The following RIOK1 variants were observed in gnomAD, a reference collection of about 807,000 sequenced individuals.
RIOK1 encodes serine/threonine-protein kinase RIO1.
RIOK1 carries 66 observed loss-of-function variants against 73.5 expected under a neutral mutation model. The ratio of observed to expected loss-of-function variants is 0.90; its 90% confidence interval spans 0.74 to 1.10. The LOEUF (loss-of-function observed/expected upper bound fraction) is 1.10, where lower values mean the gene tolerates loss of function less well. Ranked by LOEUF, RIOK1 falls within the 50% of genes least tolerant of loss-of-function variation. The pLI is 0.00. For synonymous variants in RIOK1, 224 were observed against 226.8 expected (o/e 0.99, Z 0.11); for missense variants, 658 against 699.8 (o/e 0.94, Z 0.67).
At chr6:7,404,796 C>T in intron 10 of RIOK1, 122 bp from the exon 11 acceptor site, 1 of 936,612 alleles carries the variant, frequency 1.1e-6, no homozygotes, top group Middle Eastern at 2.3e-4. Flanking sequence ...AAGATTGCCT[C>T]ATCTTATCTA....
At chr6:7,413,074 T>A in intron 15 of RIOK1, 132 bp downstream of exon 15, 1 of 482,458 alleles carries the variant, frequency 2.1e-6, no homozygotes, top group Non-Finnish European at 3.6e-6. Flanking sequence ...TAAAATGTTA[T>A]AATTGCTTTC....
At position 7,390,087 on chromosome 6, in the gene RIOK1, C is replaced by T; in HGVS notation, c.71+14C>T. The T allele has an allele frequency of 6.4e-7, 1 of 1,554,214 alleles. No individual in the cohort carries two copies. The highest frequency in any genetic ancestry group is 8.7e-7 in the Non-Finnish European group (1 of 1,148,688). On this transcript the variant is annotated intron_variant, in intron 1 of 16. Coordinates refer to ENST00000379834, the MANE Select transcript of RIOK1 (RefSeq NM_031480.3). ...CTCCTCTGACAGGTAGGCGGCCGTA[C>T]AGTGCCCTGGCTCTGGGTACGGCTC... is the stretch of plus-strand genomic sequence containing the variant.
chr6:7,389,890 A>C lies in RIOK1; in HGVS notation c.-113A>C, dbSNP rs1018631924. ...CGTGGTGGCCACTGTTGGCTTCTGA[A>C]TGGTTTGCAAGGCGGATATCCACGC... is the stretch of plus-strand genomic sequence containing the variant. On this transcript the variant is annotated 5_prime_UTR_variant, in exon 1 of 17. The change abolishes an upstream ATG in the 5' untranslated region. Coordinates refer to ENST00000379834, the MANE Select transcript of RIOK1 (RefSeq NM_031480.3). The C allele has an allele frequency of 6.4e-6, 5 of 775,492 alleles. No homozygotes were observed. In the African/African-American group the frequency reaches 8.9e-5, roughly 14 times the overall value. The allele number at this position is 775,492 out of a possible 1,614,324, so 48.0% of individuals were successfully genotyped here. A position where few individuals can be genotyped will look rare whatever the true frequency, so the allele number is the denominator to read the frequency against.
At chr6:7,401,689 CTTTT>C (rs35177259) in intron 6 of RIOK1, among the ~76,000 whole-genome samples, 5 of 109,258 alleles carry the variant, frequency 4.6e-5, no homozygotes, top group Middle Eastern at 4.5e-3. Flanking sequence ...TAAACAGAGT[CTTTT>C]TTTTTTTTTT....
Position 7,417,972 on chromosome 6 carries a change from C to T in RIOK1, c.*531C>T, listed in dbSNP as rs911539476. 3.3e-5 allele frequency: 5 copies of T among 152,256 alleles called. No homozygotes were observed. The highest frequency in any genetic ancestry group is 7.3e-5 in the Non-Finnish European group (5 of 68,056). 9.4% of individuals were successfully genotyped at this position (152,256 alleles called of 1,614,324 possible). A position where few individuals can be genotyped will look rare whatever the true frequency, so the allele number is the denominator to read the frequency against. On this transcript the variant is annotated 3_prime_UTR_variant, in exon 17 of 17. Coordinates refer to ENST00000379834, the MANE Select transcript of RIOK1 (RefSeq NM_031480.3). ...TTGGCGATCATTTGTAATGCTCTTA[C>T]ACTTCGTCTTTAATGTTCTTTTTGG...
chr6:7,391,059 G>GGAT (rs1235871457), intron 1 of RIOK1, among the ~76,000 whole-genome samples: 1 of 152,028 alleles, frequency 6.6e-6, no homozygotes, highest in Admixed American at 6.6e-5. Context: ...GAGGGATGAA[G>GGAT]GATAACTCCT....
chr6:7,392,243 CAAAAA>C (rs35570327), intron 1 of RIOK1, among the ~76,000 whole-genome samples: 4 of 110,798 alleles, frequency 3.6e-5, no homozygotes, highest in East Asian at 2.6e-4. Flanking sequence ...TCTAATATGG[CAAAAA>C]AAAAAAAAAA....
At position 7,407,686 on chromosome 6, in the gene RIOK1, GT is replaced by G. The variant is rs1761781843; in HGVS notation, c.1203+2332del. On this transcript the variant is annotated intron_variant, in intron 12 of 16. Coordinates refer to ENST00000379834, the MANE Select transcript of RIOK1 (RefSeq NM_031480.3). ...TTCTTTTTCATTTTGTTGGGACAGG[GT>G]CTCACTGTGTTTTCCAGTCTGGTCT... Among the ~76,000 whole-genome samples the G allele has an allele frequency of 3.3e-5, 5 of 151,914 alleles. No homozygotes were observed. The South Asian group carries it at 1.0e-3, about 32-fold the overall frequency.
chr6:7,417,287 A>G, intron 16 of RIOK1, 44 bp from the exon 17 acceptor site: 1 of 1,257,932 alleles, frequency 7.9e-7, no homozygotes, highest in Non-Finnish European at 1.1e-6. Context: ...AAAAATGCAT[A>G]CTCCAAATGA....
intron 12 of RIOK1, among the ~76,000 whole-genome samples, chr6:7,406,217 G>A (rs905700754): frequency 6.6e-6 from 1 of 152,164 alleles, no homozygotes; most frequent in African/African-American, 2.4e-5. Context: ...GGCTAGTCTT[G>A]AAATCTTGGC....
At chr6:7,390,135 G>T in intron 1 of RIOK1, 62 bp downstream of exon 1, 9 of 1,417,278 alleles carry the variant, frequency 6.4e-6, no homozygotes, top group Non-Finnish European at 7.7e-6. Flanking sequence ...CCCCCTTGGG[G>T]TGTGGACTCT....
chr6:7,395,755 G>A (rs941996318), intron 3 of RIOK1, among the ~76,000 whole-genome samples: 2 of 151,514 alleles, frequency 1.3e-5, no homozygotes, highest in African/African-American at 4.8e-5. Flanking sequence ...TGTCACCCAG[G>A]CTAGAGTGCA....
Position 7,409,531 on chromosome 6 carries a change from C to T in RIOK1, c.1204-855C>T, listed in dbSNP as rs542869037. On this transcript the variant is annotated intron_variant, in intron 12 of 16. Transcript: ENST00000379834. ...CCTCCCAAAGTGCTGGGATTACAGA[C>T]GTGAGCCTCAGCCTCCCAAAGTGCT... is the stretch of plus-strand genomic sequence containing the variant. Among the ~76,000 whole-genome samples, 35 of 152,094 alleles carry T rather than the reference C, an allele frequency of 2.3e-4. No individual in the cohort carries two copies. The East Asian group carries it at 5.2e-3, about 23-fold the overall frequency.
rs1245249509 is a variant in RIOK1, at chr6:7,404,555, T to C, written c.992T>C (p.Leu331Pro). 3.7e-6 allele frequency: 6 copies of C among 1,613,794 alleles called. No homozygotes were observed. In the South Asian group the frequency reaches 6.6e-5, roughly 18 times the overall value. The change falls in exon 10 of 17, where the codon CTG becomes CCG. Residue 331 changes from leucine (L) to proline (P), a missense_variant and splice_region_variant. Physicochemically the swap from Leu to Pro is moderately conservative, Grantham distance 98. Coordinates refer to ENST00000379834, the MANE Select transcript of RIOK1 (RefSeq NM_031480.3). Reference sequence around the variant, plus strand: ...GCAGATCTCAGTGAATTTAACATGCTGTGAGTGTATTTTGTCTCTTAAGAA... The same window carrying C: ...GCAGATCTCAGTGAATTTAACATGCCGTGAGTGTATTTTGTCTCTTAAGAA... ...VHADLSEFNMLYHGGGVYIID... is the reference protein window; with the variant it reads ...VHADLSEFNMPYHGGGVYIID...
intron 12 of RIOK1, among the ~76,000 whole-genome samples, chr6:7,407,392 T>C (rs1180123123): frequency 6.6e-6 from 1 of 152,208 alleles, no homozygotes; most frequent in Non-Finnish European, 1.5e-5. Flanking sequence ...GTGTATGTTA[T>C]TATGGTTTTG....
chr6:7,398,550 T>A (rs995393403), intron 4 of RIOK1, 148 bp from the exon 5 acceptor site: 36 of 623,784 alleles, frequency 5.8e-5, no homozygotes, highest in Non-Finnish European at 1.1e-5. Context: ...TTTCACTGAG[T>A]AATGAAAAAT....
intron 6 of RIOK1, 31 bp downstream of exon 6, chr6:7,401,081 A>T (rs1761599706): frequency 7.1e-7 from 1 of 1,406,946 alleles, no homozygotes; most frequent in South Asian, 1.2e-5. Flanking sequence ...TTGGATATTT[A>T]ATTTTCTTAT....
intron 16 of RIOK1, 150 bp from the exon 17 acceptor site, chr6:7,417,181 G>T: frequency 2.1e-6 from 1 of 485,314 alleles, no homozygotes; most frequent in South Asian, 2.7e-5. Flanking sequence ...AGCCCAGGAG[G>T]TGGAGGCTGA....
intron 15 of RIOK1, 147 bp from the exon 16 acceptor site, chr6:7,414,091 G>C: frequency 1.6e-6 from 1 of 634,114 alleles, no homozygotes; most frequent in Non-Finnish European, 2.6e-6. Flanking sequence ...GTTCATTCTG[G>C]TGTTTTGATG....
Sources: gnomAD v4.1 joint callset for allele counts (sites outside exome capture counted in the v4.1 genomes callset) on GRCh38, gnomAD v4.1.1 for gene constraint, MANE v1.5 for transcripts, NCBI Gene and HGNC (gene_info 2026-07-23, HGNC 2026-07-21) for gene names.